The following CCSAP variants were observed in gnomAD, a reference collection of about 807,000 sequenced individuals.
The protein encoded by CCSAP is centriole, cilia and spindle-associated protein.
CCSAP carries 17 observed loss-of-function variants against 25.9 expected under a neutral mutation model. That is an observed-to-expected ratio of 0.66 (90% CI 0.45 to 0.99). The LOEUF is 0.99. CCSAP is among the 50% of genes least tolerant of loss of function. The pLI is 0.00. For missense variants in CCSAP, 339 were observed against 367.8 expected, an observed-to-expected ratio of 0.92 and a Z score of 0.64; for synonymous variants, 169 against 157.1, an observed-to-expected ratio of 1.08 and a Z score of -0.57.
At chr1:229,328,350 G>A (rs1054563807) in intron 2 of CCSAP, among the ~76,000 whole-genome samples, 3 of 152,060 alleles carry the variant, frequency 2.0e-5, no homozygotes, top group Non-Finnish European at 4.4e-5. Context: ...GCCCAGGCTG[G>A]AGTGCAGTGG....
chr1:229,333,417 AGC>A (rs1658126982), intron 2 of CCSAP, among the ~76,000 whole-genome samples: 1 of 135,196 alleles, frequency 7.4e-6, no homozygotes, highest in African/African-American at 2.8e-5. Flanking sequence ...TGGGCGACAG[AGC>A]GAGACTCCAT....
In CCSAP at chr1:229,326,970, T is replaced by G; in HGVS notation, c.404A>C (p.Gln135Pro). The G allele has an allele frequency of 6.2e-7, 1 of 1,614,006 alleles. No individual in the cohort carries two copies. Among genetic ancestry groups the G allele is most frequent in the Non-Finnish European group, 8.5e-7 (1 of 1,179,912 alleles). Reference sequence around the variant, plus strand: ...GTCAGTCTCTCTTGTTCTGGTTTGTTGTTCAGGTTTATCTTCTACATCTTT... The same window carrying G: ...GTCAGTCTCTCTTGTTCTGGTTTGTGGTTCAGGTTTATCTTCTACATCTTT... ...PVKDVEDKPE[Q>P]QTRTRETDKS... is the part of the protein sequence containing the mutation. Residue 135 changes from glutamine (Q) to proline (P), a missense_variant, in exon 3 of 4, where the codon CAA becomes CCA. Coordinates refer to ENST00000284617, the MANE Select transcript of CCSAP (RefSeq NM_145257.5).
rs957903914 is a variant in CCSAP, at chr1:229,322,202, C to T, written c.*3033G>A. 1.3e-5 allele frequency: 2 copies of T among 152,122 alleles called. No individual in the cohort carries two copies. The highest frequency in any genetic ancestry group is 2.9e-5 in the Non-Finnish European group (2 of 68,024). 9.4% of individuals were successfully genotyped at this position (152,122 alleles called of 1,614,324 possible). A position where few individuals can be genotyped will look rare whatever the true frequency, so the allele number is the denominator to read the frequency against. On this transcript the variant is annotated 3_prime_UTR_variant, in exon 4 of 4. Transcript: ENST00000284617. ...ACCTGAAAAAGGATAGTGGAAGACC[C>T]TACAGATTTTTTTTAACTTACGAAT...
Position 229,325,045 on chromosome 1 carries a change from C to G in CCSAP, c.*190G>C, listed in dbSNP as rs1571848751. 2 of 512,942 alleles carry G rather than the reference C, an allele frequency of 3.9e-6. No individual in the cohort carries two copies. Among genetic ancestry groups the G allele is most frequent in the African/African-American group, 1.9e-5 (1 of 51,772 alleles). 31.8% of individuals were successfully genotyped at this position (512,942 alleles called of 1,614,324 possible). ...ACCAAATGTCTATGGCTTCAACTGT[C>G]TGCCCTACTGCCGAGGTAGGTGACC... On this transcript the variant is annotated 3_prime_UTR_variant, in exon 4 of 4. Coordinates refer to ENST00000284617, the MANE Select transcript of CCSAP (RefSeq NM_145257.5).
intron 2 of CCSAP, among the ~76,000 whole-genome samples, chr1:229,327,939 C>T (rs1657986932): frequency 1.3e-5 from 2 of 152,004 alleles, no homozygotes; most frequent in South Asian, 2.1e-4. Context: ...GAAATTACCC[C>T]ATGAAATCAG....
At chr1:229,337,708 T>TAC (rs1658227967) in intron 2 of CCSAP, among the ~76,000 whole-genome samples, 1 of 99,110 alleles carries the variant, frequency 1.0e-5, no homozygotes, top group African/African-American at 3.8e-5. Context: ...TACACATACA[T>TAC]ATATATATAT....
intron 2 of CCSAP, chr1:229,340,428 A>G: frequency 4.2e-6 from 3 of 716,980 alleles, no homozygotes; most frequent in South Asian, 3.0e-5. Flanking sequence ...GGCACCATCC[A>G]TATCACAACG....
At chr1:229,341,932 G>T (rs1156454846) in intron 2 of CCSAP, among the ~76,000 whole-genome samples, 167 bp downstream of exon 2, 2 of 151,644 alleles carry the variant, frequency 1.3e-5, no homozygotes, top group East Asian at 1.9e-4. Context: ...GGTGGCAAAG[G>T]CTGCCACCTT....
chr1:229,336,235 TC>T (rs1658192156), intron 2 of CCSAP, among the ~76,000 whole-genome samples: 1 of 151,170 alleles, frequency 6.6e-6, no homozygotes. Flanking sequence ...AATTGACACT[TC>T]TATATTCTTT....
At position 229,333,214 on chromosome 1, in the gene CCSAP, C is replaced by G. The variant is rs550872415; in HGVS notation, c.368-6208G>C. 7.2e-5 allele frequency among the ~76,000 whole-genome samples: 11 copies of G among 152,070 alleles called. No homozygotes were observed. The South Asian group carries it at 1.0e-3, about 14-fold the overall frequency. Reference sequence around the variant, plus strand: ...TTGGGAGGCCAAGGCGGGCAGATCACGAGGTCAGGAGATAGAGACCATCCT... The same window carrying G: ...TTGGGAGGCCAAGGCGGGCAGATCAGGAGGTCAGGAGATAGAGACCATCCT... On this transcript the variant is annotated intron_variant, in intron 2 of 3. Coordinates refer to ENST00000284617, the MANE Select transcript of CCSAP (RefSeq NM_145257.5).
chr1:229,333,160 CG>C (rs1486417363), intron 2 of CCSAP, among the ~76,000 whole-genome samples: 2 of 152,158 alleles, frequency 1.3e-5, no homozygotes, highest in Non-Finnish European at 2.9e-5. Context: ...AGGCCGGGCG[CG>C]GTGGCTCACG....
At chr1:229,335,686 G>A (rs1398250457) in intron 2 of CCSAP, among the ~76,000 whole-genome samples, 1 of 152,178 alleles carries the variant, frequency 6.6e-6, no homozygotes, top group African/African-American at 2.4e-5. Flanking sequence ...TGTGTTCTGA[G>A]GAAGGCCAGG....
intron 2 of CCSAP, among the ~76,000 whole-genome samples, chr1:229,328,453 A>G (rs1657997031): frequency 6.7e-6 from 1 of 148,980 alleles, no homozygotes; most frequent in Admixed American, 6.7e-5. Context: ...GGAGTGCATC[A>G]CCATGCCCAG....
At chr1:229,340,679 A>T (rs1242131758) in intron 2 of CCSAP, 2 of 406,878 alleles carry the variant, frequency 4.9e-6, no homozygotes, top group African/African-American at 4.1e-5. Context: ...AAGTAACATC[A>T]TGATGGGAGG....
intron 2 of CCSAP, among the ~76,000 whole-genome samples, chr1:229,341,193 C>CAAAAAAAAAAAAAAAAAAAAAAAAA (rs71561730): frequency 1.5e-4 from 14 of 91,108 alleles, no homozygotes; most frequent in African/African-American, 6.3e-4. Flanking sequence ...GACTCCGTCT[C>CAAAAAAAAAAAAAAAAAAAAAAAAA]AAAAAAAAAA....
rs1314679903 is a variant in CCSAP, at chr1:229,342,899, G to C, written c.-49+13C>G. 1 of 155,888 alleles carries C rather than the reference G, an allele frequency of 6.4e-6. No homozygotes were observed. Among genetic ancestry groups the C allele is most frequent in the Non-Finnish European group, 1.4e-5 (1 of 70,546 alleles). The allele number at this position is 155,888 out of a possible 1,614,324, so 9.7% of individuals were successfully genotyped here. A position where few individuals can be genotyped will look rare whatever the true frequency, so the allele number is the denominator to read the frequency against. ...CCCTGAGCTAGGCGTGCGGTCCCGC[G>C]GGGCTGCCTTACCTCCTTCCCGCCG... On this transcript the variant is annotated intron_variant, in intron 1 of 3. Transcript: ENST00000284617. This position sits in a 1 kb window ranked among gnomAD's most constrained non-coding sequence, Gnocchi z 7.5.
rs6587326 is a variant in CCSAP at position 229,327,006 on chromosome 1, G to C, written c.368C>G (p.Ala123Gly). The C allele has an allele frequency of 6.3e-7, 1 of 1,599,730 alleles. No individual in the cohort carries two copies. The highest frequency in any genetic ancestry group is 8.5e-7 in the Non-Finnish European group (1 of 1,172,536). Residue 123 changes from alanine (A) to glycine (G), a missense_variant and splice_region_variant, in exon 3 of 4, where the codon GCA becomes GGA. By Grantham distance (60) the Ala-to-Gly change is moderately conservative (BLOSUM62 0). Transcript: ENST00000284617. Reference sequence around the variant, plus strand: ...ATCTTCTACATCTTTCACTGGCAGTGCTTTTGAAAAGAGATAAATGAGATG... The same window carrying C: ...ATCTTCTACATCTTTCACTGGCAGTCCTTTTGAAAAGAGATAAATGAGATG... ...AEDAEDAALP[A>G]LPVKDVEDKP...
Position 229,323,873 on chromosome 1 carries a change from C to A in CCSAP, c.*1362G>T, listed in dbSNP as rs1657880548. ...ATACTCAGCCTCACGTCCACTCACA[C>A]ATCTTCGGGTGCCAAGCTGGCATAG... On this transcript the variant is annotated 3_prime_UTR_variant, in exon 4 of 4. Coordinates refer to ENST00000284617, the MANE Select transcript of CCSAP (RefSeq NM_145257.5). 1 of 152,234 alleles carries A rather than the reference C, an allele frequency of 6.6e-6. No homozygotes were observed. Among genetic ancestry groups the A allele is most frequent in the Non-Finnish European group, 1.5e-5 (1 of 68,046 alleles). 9.4% of individuals were successfully genotyped at this position (152,234 alleles called of 1,614,324 possible).
In CCSAP at chr1:229,326,765, G is replaced by C; in HGVS notation, c.609C>G (p.Asn203Lys). The change falls in exon 3 of 4, where the codon AAC becomes AAG. Residue 203 changes from asparagine to lysine, a missense_variant. Physicochemically the swap from Asn to Lys is moderately conservative, Grantham distance 94 (BLOSUM62 0). Coordinates refer to ENST00000284617, the MANE Select transcript of CCSAP (RefSeq NM_145257.5). ...QTDTGSQKTH[N>K]VCASAPVHEI... is the part of the protein sequence containing the mutation. ...CGTGCACAGGAGCGGACGCACAGAC[G>C]TTGTGAGTCTTCTGGCTTCCTGTAT... is the stretch of plus-strand genomic sequence containing the variant. The C allele has an allele frequency of 6.2e-7, 1 of 1,614,238 alleles. No individual in the cohort carries two copies. Among genetic ancestry groups the C allele is most frequent in the Non-Finnish European group, 8.5e-7 (1 of 1,180,040 alleles).
Sources: gnomAD v4.1 joint callset for allele counts (sites outside exome capture counted in the v4.1 genomes callset) on GRCh38, gnomAD v4.1.1 for gene constraint, Gnocchi (gnomAD v3.1) non-coding constraint, MANE v1.5 for transcripts, NCBI Gene and HGNC (gene_info 2026-07-23, HGNC 2026-07-21) for gene names.